PCDH15: variants seen among roughly 807,000 people sequenced by gnomAD.
The protein encoded by PCDH15 is protocadherin related 15.
A neutral mutation model predicts 178.5 loss-of-function variants in PCDH15; 129 were observed. The observed-to-expected ratio is 0.72, with a 90% CI of 0.63 to 0.84. The LOEUF is 0.84. PCDH15 is among the 40% of genes least tolerant of loss of function. PCDH15 has a pLI of 0.00. For missense variants in PCDH15, 2,230 were observed against 2,099.9 expected, an observed-to-expected ratio of 1.06 and a Z score of -1.21; for synonymous variants, 800 against 732.0, an observed-to-expected ratio of 1.09 and a Z score of -1.50.
At chr10:55,246,812 A>C (rs113167399) in intron 1 of PCDH15, among the ~76,000 whole-genome samples, 1,683 of 152,284 alleles carry the variant, frequency 0.011, 31 homozygotes, top group African/African-American at 0.037. Flanking sequence ...CTTTTTAGTT[A>C]TCATTGTTTC....
intron 15 of PCDH15, among the ~76,000 whole-genome samples, chr10:54,126,941 C>T (rs775690739): frequency 3.5e-4 from 54 of 152,172 alleles, no homozygotes; most frequent in South Asian, 3.3e-3. Flanking sequence ...AAAACATAGG[C>T]CATTTAACCC....
At chr10:53,899,174 G>T (rs958865778) in intron 26 of PCDH15, among the ~76,000 whole-genome samples, 2 of 150,782 alleles carry the variant, frequency 1.3e-5, no homozygotes, top group Admixed American at 6.6e-5. Flanking sequence ...CTAGAATGTG[G>T]CTTCTGTAAG....
intron 2 of PCDH15, among the ~76,000 whole-genome samples, chr10:54,920,321 T>A (rs1359515772): frequency 6.6e-6 from 1 of 151,728 alleles, no homozygotes; most frequent in Admixed American, 6.6e-5. Flanking sequence ...TTGCAAAAAA[T>A]TAGCCGGGCA....
chr10:54,027,364 C>T (rs558238128), intron 18 of PCDH15, among the ~76,000 whole-genome samples: 2 of 151,920 alleles, frequency 1.3e-5, no homozygotes, highest in Non-Finnish European at 1.5e-5. Context: ...GGCCATACTG[C>T]CCAAAGTAAT....
chr10:54,844,879 G>A (rs1171768490), intron 3 of PCDH15, among the ~76,000 whole-genome samples: 1 of 151,730 alleles, frequency 6.6e-6, no homozygotes, highest in East Asian at 1.9e-4. Context: ...TTAAAAAAAC[G>A]TAGCCTTAAT....
intron 2 of PCDH15, among the ~76,000 whole-genome samples, chr10:55,341,311 T>C (rs1038344275): frequency 6.6e-6 from 1 of 152,096 alleles, no homozygotes; most frequent in Non-Finnish European, 1.5e-5. Flanking sequence ...ATAATATCAT[T>C]TATGAAAAAA....
chr10:54,185,016 AT>A (rs1294966563), intron 12 of PCDH15, 117 bp downstream of exon 12: 27 of 1,224,776 alleles, frequency 2.2e-5, no homozygotes, highest in Non-Finnish European at 3.2e-5. Context: ...AAAATAATGT[AT>A]TTTTCCCCCA....
At chr10:55,032,915 A>AC (rs1455735699) in intron 2 of PCDH15, among the ~76,000 whole-genome samples, 5 of 152,224 alleles carry the variant, frequency 3.3e-5, no homozygotes, top group African/African-American at 1.2e-4. Context: ...AAGTCTCTGC[A>AC]CCCATTGTTT....
intron 15 of PCDH15, among the ~76,000 whole-genome samples, chr10:54,125,212 T>A (rs562882588): frequency 8.7e-4 from 133 of 152,258 alleles, no homozygotes; most frequent in Non-Finnish European, 1.6e-3. Context: ...CTGTTTCTCG[T>A]CATTTTCTAT....
At chr10:54,404,802 T>A (rs1241643979) in intron 3 of PCDH15, among the ~76,000 whole-genome samples, 1 of 151,740 alleles carries the variant, frequency 6.6e-6, no homozygotes, top group Non-Finnish European at 1.5e-5. Flanking sequence ...AGCAAATTTT[T>A]AAGGAAAAAA....
At chr10:55,022,711 CTT>C (rs201891944) in intron 2 of PCDH15, among the ~76,000 whole-genome samples, 143 of 113,826 alleles carry the variant, frequency 1.3e-3, no homozygotes, top group Middle Eastern at 5.7e-3. Flanking sequence ...TTTTCTTTTT[CTT>C]TTTTTTTTTT....
intron 2 of PCDH15, among the ~76,000 whole-genome samples, chr10:55,425,913 GCTC>G: frequency 6.6e-6 from 1 of 152,058 alleles, no homozygotes; most frequent in African/African-American, 2.4e-5. Context: ...TTCTATATTT[GCTC>G]TTACTAACTG....
intron 6 of PCDH15, among the ~76,000 whole-genome samples, chr10:54,339,617 A>G (rs1174130777): frequency 6.6e-6 from 1 of 152,210 alleles, no homozygotes; most frequent in Non-Finnish European, 1.5e-5. Context: ...AGACTGACAA[A>G]GATTCTTTGC....
At chr10:54,143,831 C>A (rs2043630616) in intron 14 of PCDH15, among the ~76,000 whole-genome samples, 1 of 152,002 alleles carries the variant, frequency 6.6e-6, no homozygotes, top group Non-Finnish European at 1.5e-5. Flanking sequence ...ATTCTTAATT[C>A]ATGTGTGTTA....
intron 2 of PCDH15, among the ~76,000 whole-genome samples, chr10:55,083,312 T>G (rs56281714): frequency 6.6e-6 from 1 of 152,108 alleles, no homozygotes; most frequent in African/African-American, 2.4e-5. Context: ...CATATGATCA[T>G]TTCAATTGAT....
intron 2 of PCDH15, among the ~76,000 whole-genome samples, chr10:55,357,257 C>T (rs931121730): frequency 2.0e-5 from 3 of 151,466 alleles, no homozygotes; most frequent in African/African-American, 7.3e-5. Context: ...AAATATACAA[C>T]AAAAGTATTT....
At chr10:55,419,295 G>C (rs1053072182) in intron 2 of PCDH15, among the ~76,000 whole-genome samples, 1 of 151,718 alleles carries the variant, frequency 6.6e-6, no homozygotes, top group Non-Finnish European at 1.5e-5. Context: ...ATAATACCAT[G>C]CTTAGTTGTA....
At chr10:55,301,254 C>T (rs1191241220) in intron 1 of PCDH15, among the ~76,000 whole-genome samples, 1 of 152,114 alleles carries the variant, frequency 6.6e-6, no homozygotes, top group Non-Finnish European at 1.5e-5. Context: ...TTCTCTGAAT[C>T]CTTCCCAGTG....
intron 8 of PCDH15, among the ~76,000 whole-genome samples, chr10:54,278,721 A>G (rs942899983): frequency 2.0e-4 from 30 of 151,598 alleles, no homozygotes; most frequent in Non-Finnish European, 1.2e-4. Context: ...CATGAATATC[A>G]AAGTGATTCC....
Sources: gnomAD v4.1 joint callset for allele counts (sites outside exome capture counted in the v4.1 genomes callset) on GRCh38, gnomAD v4.1.1 for gene constraint, MANE v1.5 for transcripts, NCBI Gene and HGNC (gene_info 2026-07-23, HGNC 2026-07-21) for gene names.